USP42: variants seen among roughly 807,000 people sequenced by gnomAD.
USP42 encodes the protein ubiquitin specific peptidase 42.
Under a neutral mutation model 113.0 loss-of-function variants are expected in USP42, and 23 were observed. That is an observed-to-expected ratio of 0.20 (90% CI 0.15 to 0.29). The LOEUF is 0.29. Among genes scored for constraint, USP42 ranks in the 10% least tolerant of loss-of-function variants. USP42 has a pLI of 1.00. For missense variants in USP42, 2,174 were observed against 1,779.8 expected (o/e 1.22, Z -3.99); for synonymous variants, 933 against 699.0 (o/e 1.33, Z -5.28).
the USP42 span, among the ~76,000 whole-genome samples, chr7:6,098,549 GT>G: frequency 6.7e-6 from 1 of 150,074 alleles, no homozygotes; most frequent in Non-Finnish European, 1.5e-5. Flanking sequence ...TTGTTTTCTT[GT>G]TTTTTGTTTT....
At chr7:6,095,408 G>A in the USP42 span, among the ~76,000 whole-genome samples, 38 of 151,200 alleles carry the variant, frequency 2.5e-4, no homozygotes, top group Non-Finnish European at 4.4e-4. Flanking sequence ...GGTGGCTCAC[G>A]CCTGTAATCC....
intron 4 of USP42, among the ~76,000 whole-genome samples, chr7:6,136,753 A>G (rs1781172946): frequency 1.3e-5 from 2 of 152,298 alleles, no homozygotes; most frequent in South Asian, 4.1e-4. Flanking sequence ...CTCTGCAAGC[A>G]GCAGTAAAAA....
chr7:6,107,001 G>C (rs1779318853), intron 1 of USP42, among the ~76,000 whole-genome samples: 1 of 152,242 alleles, frequency 6.6e-6, no homozygotes, highest in South Asian at 2.1e-4. Context: ...TGAATCTTAA[G>C]TCCTACATAA....
intron 3 of USP42, among the ~76,000 whole-genome samples, chr7:6,123,510 A>T (rs1403568136): frequency 6.6e-6 from 1 of 151,610 alleles, no homozygotes; most frequent in Non-Finnish European, 1.5e-5. Flanking sequence ...AAAAATACAA[A>T]TATTAGCCAG....
chr7:6,115,625 T>C, intron 3 of USP42, 102 bp downstream of exon 3: 2 of 1,375,688 alleles, frequency 1.5e-6, no homozygotes, highest in Non-Finnish European at 2.0e-6. Context: ...GTGCTATGAT[T>C]ACTAAGAAGT....
intron 15 of USP42, 23 bp downstream of exon 15, chr7:6,155,218 C>T: frequency 6.6e-7 from 1 of 1,505,378 alleles, no homozygotes; most frequent in Non-Finnish European, 8.8e-7. Flanking sequence ...CCTTGTGCTC[C>T]CCGAGGCGCT....
intron 4 of USP42, among the ~76,000 whole-genome samples, chr7:6,137,118 C>G (rs1323934254): frequency 3.3e-5 from 5 of 152,142 alleles, no homozygotes; most frequent in East Asian, 1.9e-4. Flanking sequence ...AAAATGCATA[C>G]AAACAAAACT....
chr7:6,109,494 G>A (rs922046521), intron 1 of USP42, among the ~76,000 whole-genome samples: 2 of 152,116 alleles, frequency 1.3e-5, no homozygotes, highest in Non-Finnish European at 2.9e-5. Context: ...CCAGGTTCAA[G>A]CAATTTTCCT....
chr7:6,145,446 A>T, intron 9 of USP42, 70 bp from the exon 10 acceptor site: 1 of 1,591,934 alleles, frequency 6.3e-7, no homozygotes, highest in South Asian at 1.1e-5. Context: ...AGCTCTAAGT[A>T]CCCTCTACCT....
chr7:6,152,372 C>T (rs1782115802), intron 14 of USP42, among the ~76,000 whole-genome samples: 3 of 152,238 alleles, frequency 2.0e-5, no homozygotes, highest in Admixed American at 6.5e-5. Flanking sequence ...CTGGAAACGT[C>T]AGTGTCAGTG....
intron 4 of USP42, among the ~76,000 whole-genome samples, chr7:6,137,466 C>G (rs930617768): frequency 1.3e-5 from 2 of 152,164 alleles, no homozygotes; most frequent in South Asian, 4.1e-4. Flanking sequence ...TCAAGTGATT[C>G]TTCTGCCTCA....
intron 1 of USP42, among the ~76,000 whole-genome samples, chr7:6,107,661 G>A (rs901276930): frequency 2.4e-4 from 36 of 152,112 alleles, no homozygotes; most frequent in Admixed American, 2.1e-3. Context: ...TGCCCGCCTC[G>A]TCCTCCCAAA....
chr7:6,130,656 T>C (rs1256722009), intron 3 of USP42, among the ~76,000 whole-genome samples: 2 of 152,182 alleles, frequency 1.3e-5, no homozygotes, highest in Non-Finnish European at 2.9e-5. Context: ...AAGTCAAGGC[T>C]GTTTACTTGC....
rs1331889542 is a variant in USP42, at chr7:6,160,677, CTTTTT to C, written c.*164_*168del. 1 of 152,090 alleles carries C rather than the reference CTTTTT, an allele frequency of 6.6e-6. No individual in the cohort carries two copies. Among genetic ancestry groups the C allele is most frequent in the Non-Finnish European group, 1.5e-5 (1 of 67,872 alleles). The allele number at this position is 152,090 out of a possible 1,614,324, so 9.4% of individuals were successfully genotyped here. A position where few individuals can be genotyped will look rare whatever the true frequency, so the allele number is the denominator to read the frequency against. On this transcript the variant is annotated 3_prime_UTR_variant, in exon 18 of 18. Coordinates refer to ENST00000306177, the MANE Select transcript of USP42 (RefSeq NM_032172.3). Reference sequence around the variant, plus strand: ...ACTGTACAGATTTTACCATGGAGAACTTTTTTTTTAGTTTTTACCTTTTCTTAATT... The same window carrying C: ...ACTGTACAGATTTTACCATGGAGAACTTTTAGTTTTTACCTTTTCTTAATT...
At chr7:6,090,957 T>G in the USP42 span, among the ~76,000 whole-genome samples, 2 of 150,594 alleles carry the variant, frequency 1.3e-5, no homozygotes, top group African/African-American at 2.5e-5. Context: ...GAAGAATTTG[T>G]TAGGGATCAA....
chr7:6,125,185 A>C (rs1420839058), intron 3 of USP42, among the ~76,000 whole-genome samples: 2 of 141,954 alleles, frequency 1.4e-5, no homozygotes, highest in African/African-American at 2.6e-5. Context: ...TGTCTCAACA[A>C]AAAAAAAAAA....
chr7:6,100,776 C>A (rs139816001), upstream of USP42, among the ~76,000 whole-genome samples: 1 of 148,832 alleles, frequency 6.7e-6, no homozygotes, highest in African/African-American at 2.6e-5. Context: ...CAGCAATTCT[C>A]CTGCCTCAGC....
At chr7:6,109,178 G>A (rs1368495842) in intron 1 of USP42, among the ~76,000 whole-genome samples, 1 of 152,180 alleles carries the variant, frequency 6.6e-6, no homozygotes, top group African/African-American at 2.4e-5. Context: ...CTGGCTGGAG[G>A]TGGAAGGTTG....
the USP42 span, among the ~76,000 whole-genome samples, chr7:6,086,214 T>C: frequency 6.9e-6 from 1 of 145,838 alleles, no homozygotes; most frequent in Non-Finnish European, 1.5e-5. Flanking sequence ...TTTTTTTTTT[T>C]TTTTTTTTTG....
Sources: gnomAD v4.1 joint callset for allele counts (sites outside exome capture counted in the v4.1 genomes callset) on GRCh38, gnomAD v4.1.1 for gene constraint, MANE v1.5 for transcripts, NCBI Gene and HGNC (gene_info 2026-07-23, HGNC 2026-07-21) for gene names.